AK4: variants seen among roughly 807,000 people sequenced by gnomAD.
AK4 encodes the protein adenylate kinase 4, also known as adenylate kinase 4, mitochondrial.
AK4 carries 13 observed loss-of-function variants against 24.6 expected under a neutral mutation model. That is an observed-to-expected ratio of 0.53 (90% CI 0.34 to 0.84). The LOEUF (loss-of-function observed/expected upper bound fraction) is 0.84. Among genes scored for constraint, AK4 ranks in the 40% least tolerant of loss-of-function variants. The pLI, the probability that AK4 is intolerant of heterozygous loss-of-function variation, is 0.01. For synonymous variants in AK4, 88 were observed against 107.0 expected, an observed-to-expected ratio of 0.82 and a Z score of 1.10; for missense variants, 192 against 288.2, an observed-to-expected ratio of 0.67 and a Z score of 2.42.
intron 1 of AK4, among the ~76,000 whole-genome samples, chr1:65,158,979 T>C (rs1365095133): frequency 6.6e-6 from 1 of 152,240 alleles, no homozygotes; most frequent in Non-Finnish European, 1.5e-5. Context: ...GCTGATGTTA[T>C]ATTTTAACAG....
chr1:65,178,662 G>C (rs1288766976), intron 1 of AK4, among the ~76,000 whole-genome samples: 2 of 152,192 alleles, frequency 1.3e-5, no homozygotes, highest in Non-Finnish European at 2.9e-5. Flanking sequence ...ACATTTGCTA[G>C]CCCTTCAGAA....
At chr1:65,164,427 A>G (rs1019741592) in intron 1 of AK4, among the ~76,000 whole-genome samples, 1 of 151,926 alleles carries the variant, frequency 6.6e-6, no homozygotes, top group African/African-American at 2.4e-5. Flanking sequence ...CTCCCTCCCT[A>G]CCTTTCTCTC....
intron 3 of AK4, among the ~76,000 whole-genome samples, chr1:65,222,814 G>C (rs1241311963): frequency 1.3e-5 from 2 of 152,156 alleles, no homozygotes; most frequent in Non-Finnish European, 2.9e-5. Context: ...TTATCCAGTT[G>C]AGTTGCCTGT....
chr1:65,161,425 A>C (rs1018403304), intron 1 of AK4, among the ~76,000 whole-genome samples: 27 of 152,190 alleles, frequency 1.8e-4, no homozygotes, highest in Admixed American at 1.8e-3. Flanking sequence ...GCATGCATGC[A>C]GGTAGAGCAT....
chr1:65,220,027 C>T (rs1652250807), intron 3 of AK4, among the ~76,000 whole-genome samples: 1 of 152,204 alleles, frequency 6.6e-6, no homozygotes, highest in African/African-American at 2.4e-5. Flanking sequence ...TGGCTCCTTT[C>T]ACTTAGTGAT....
intron 2 of AK4, among the ~76,000 whole-genome samples, chr1:65,201,593 G>T (rs771903959): frequency 6.6e-6 from 1 of 152,178 alleles, no homozygotes; most frequent in African/African-American, 2.4e-5. Flanking sequence ...TTCCCAAGAG[G>T]GAGTAGCATG....
intron 1 of AK4, among the ~76,000 whole-genome samples, chr1:65,155,973 C>A (rs1278383590): frequency 2.0e-5 from 3 of 152,018 alleles, no homozygotes; most frequent in Non-Finnish European, 4.4e-5. Context: ...CACACACACA[C>A]ACATAGATTT....
chr1:65,209,271 A>G (rs1286739449), intron 2 of AK4, among the ~76,000 whole-genome samples: 1 of 152,180 alleles, frequency 6.6e-6, no homozygotes, highest in East Asian at 1.9e-4. Flanking sequence ...ATTTTACGTT[A>G]GCTCTTGGCA....
chr1:65,202,899 T>A (rs1183364734), intron 2 of AK4, among the ~76,000 whole-genome samples: 1 of 107,270 alleles, frequency 9.3e-6, no homozygotes, highest in African/African-American at 3.5e-5. Context: ...TAAGATGGGG[T>A]TGTGCTCTGT....
Position 65,162,244 on chromosome 1 carries a change from TAAAC to T in AK4, c.145+13695_145+13698del, listed in dbSNP as rs200055629. 2.2e-3 allele frequency among the ~76,000 whole-genome samples: 341 copies of T among 152,256 alleles called. 2 individuals are homozygous for T. The highest frequency in any genetic ancestry group is 0.013 in the East Asian group (65 of 5,174). On this transcript the variant is annotated intron_variant, in intron 1 of 4. Transcript: ENST00000327299. ...CTGGGCGATACAGTGAGAAGTGTCT[TAAAC>T]AAGAAGATTTGAGGCAGAGGAAGCA... is the stretch of plus-strand genomic sequence containing the variant.
At chr1:65,189,655 G>GCACA (rs71681774) in intron 1 of AK4, among the ~76,000 whole-genome samples, 87 of 135,708 alleles carry the variant, frequency 6.4e-4, no homozygotes, top group African/African-American at 1.4e-3. Context: ...ACATACGCGT[G>GCACA]CACACACACA....
At chr1:65,196,414 C>G (rs1003540141) in intron 2 of AK4, among the ~76,000 whole-genome samples, 1 of 152,086 alleles carries the variant, frequency 6.6e-6, no homozygotes, top group African/African-American at 2.4e-5. Flanking sequence ...AAAAAAAGTT[C>G]AGCACTACCT....
intron 1 of AK4, among the ~76,000 whole-genome samples, chr1:65,179,057 G>A (rs1650815534): frequency 6.6e-6 from 1 of 152,106 alleles, no homozygotes; most frequent in African/African-American, 2.4e-5. Flanking sequence ...GAGAGGGTCT[G>A]GGAGAGAGGA....
chr1:65,192,509 C>G (rs77820514), intron 2 of AK4, among the ~76,000 whole-genome samples: 1,603 of 152,228 alleles, frequency 0.011, 24 homozygotes, highest in African/African-American at 0.037. Context: ...AGCATTCTGC[C>G]CCTACCCACC....
chr1:65,182,735 C>A (rs1405922430), intron 1 of AK4, among the ~76,000 whole-genome samples: 1 of 152,128 alleles, frequency 6.6e-6, no homozygotes, highest in Admixed American at 6.5e-5. Context: ...CTTTCTGTAA[C>A]CCTGGACTAG....
At chr1:65,189,718 G>A (rs1252383456) in intron 1 of AK4, among the ~76,000 whole-genome samples, 3 of 151,638 alleles carry the variant, frequency 2.0e-5, no homozygotes, top group African/African-American at 4.8e-5. Flanking sequence ...GATTTAAACT[G>A]ATAGTTTGTT....
chr1:65,172,261 G>A (rs1003280981), intron 1 of AK4, among the ~76,000 whole-genome samples: 3 of 151,004 alleles, frequency 2.0e-5, no homozygotes, highest in Non-Finnish European at 2.9e-5. Context: ...AAAGTTAATC[G>A]TCTTTAAAGA....
intron 3 of AK4, 36 bp from the exon 4 acceptor site, chr1:65,224,716 G>C (rs1254261746): frequency 6.4e-7 from 1 of 1,564,596 alleles, no homozygotes; most frequent in East Asian, 2.2e-5. Context: ...TGGCCCAACT[G>C]TTGTCTATAT....
At chr1:65,188,570 C>T (rs1311582924) in intron 1 of AK4, among the ~76,000 whole-genome samples, 2 of 151,888 alleles carry the variant, frequency 1.3e-5, no homozygotes, top group African/African-American at 4.8e-5. Flanking sequence ...GCTCCGCCTC[C>T]TGGGTTCACA....
Sources: allele counts gnomAD v4.1 joint callset (sites outside exome capture counted in the v4.1 genomes callset), GRCh38; gene constraint gnomAD v4.1.1; transcripts MANE v1.5; gene names NCBI Gene and HGNC (gene_info 2026-07-23, HGNC 2026-07-21).